TRAPPC3: variants seen among roughly 807,000 people sequenced by gnomAD.
TRAPPC3 encodes the protein trafficking protein particle complex subunit 3, also known as trafficking protein particle complex 3.
In TRAPPC3, 5 loss-of-function variants were observed where a neutral mutation model predicts 18.2. The ratio of observed to expected loss-of-function variants is 0.28; its 90% CI spans 0.14 to 0.58. TRAPPC3 has a LOEUF of 0.58. TRAPPC3 is among the 20% of genes least tolerant of loss of function. TRAPPC3 has a pLI of 0.91. For synonymous variants in TRAPPC3, 65 were observed against 84.2 expected, an observed-to-expected ratio of 0.77 and a Z score of 1.25; for missense variants, 176 against 225.9, an observed-to-expected ratio of 0.78 and a Z score of 1.41.
Position 36,138,185 on chromosome 1 carries a change from TG to T in TRAPPC3, c.241-208del. 3.9e-6 allele frequency: 6 copies of T among 1,550,414 alleles called. No homozygotes were observed. The South Asian group carries it at 7.1e-5, about 18-fold the overall frequency. Reference sequence around the variant, plus strand: ...TCTCCTTCACGGCATCATACAGTTTTGCCTGTCGCTTTGTTTTGTTTTGTTT... The same window carrying T: ...TCTCCTTCACGGCATCATACAGTTTTCCTGTCGCTTTGTTTTGTTTTGTTT... On this transcript the variant is annotated intron_variant, in intron 3 of 4. Coordinates refer to ENST00000373166, the MANE Select transcript of TRAPPC3 (RefSeq NM_014408.5).
In TRAPPC3 at chr1:36,137,337, G is replaced by C; in HGVS notation, c.424-15C>G. On this transcript the variant is annotated splice_polypyrimidine_tract_variant and intron_variant, in intron 4 of 4. Transcript: ENST00000373166. ...GCCATCTGGACCTGGGGGACAGTGG[G>C]AAAACGAAGGGGTAGCTGCCTGGCC... 6.2e-7 allele frequency: 1 copy of C among 1,604,714 alleles called. No individual in the cohort carries two copies. The highest frequency in any genetic ancestry group is 8.5e-7 in the Non-Finnish European group (1 of 1,172,290).
chr1:36,143,453 G>C (rs190916603), intron 1 of TRAPPC3, among the ~76,000 whole-genome samples: 1,694 of 152,300 alleles, frequency 0.011, 15 homozygotes, highest in Non-Finnish European at 0.017. Flanking sequence ...GTAAGCAAGA[G>C]AGAACAGAAA....
chr1:36,141,348 G>T (rs1436386952), intron 1 of TRAPPC3, among the ~76,000 whole-genome samples: 2 of 152,052 alleles, frequency 1.3e-5, no homozygotes, highest in African/African-American at 4.8e-5. Context: ...GAAAAATCAG[G>T]ATAACCACCC....
Position 36,137,304 on chromosome 1 carries a change from C to T in TRAPPC3, c.442G>A (p.Ala148Thr), listed in dbSNP as rs1295837999. 1.2e-6 allele frequency: 2 copies of T among 1,611,922 alleles called. No individual in the cohort carries two copies. The highest frequency in any genetic ancestry group is 1.7e-6 in the Non-Finnish European group (2 of 1,178,208). Residue 148 changes from alanine (A) to threonine (T), a missense_variant, in exon 5 of 5, where the codon GCC (alanine) becomes ACC (threonine). By Grantham distance (58) the Ala-to-Thr change is moderately conservative. Coordinates refer to ENST00000373166, the MANE Select transcript of TRAPPC3 (RefSeq NM_014408.5). Reference protein sequence around the residue: ...ALEMVQMAVEAKFVQDTLKGD... With the variant: ...ALEMVQMAVETKFVQDTLKGD... ...TTCAGGGTGTCCTGGACAAACTTGG[C>T]CTCCACAGCCATCTGGACCTGGGGG...
intron 4 of TRAPPC3, 75 bp downstream of exon 4, chr1:36,137,721 T>C (rs982512887): frequency 6.8e-7 from 1 of 1,468,372 alleles, no homozygotes; most frequent in African/African-American, 1.4e-5. Context: ...TTCTTTTCTC[T>C]CTTTCATTCA....
chr1:36,148,664 A>C (rs1318048018), intron 1 of TRAPPC3, among the ~76,000 whole-genome samples: 1 of 152,178 alleles, frequency 6.6e-6, no homozygotes, highest in Non-Finnish European at 1.5e-5. Flanking sequence ...GTCCAACTTT[A>C]TAGGACCATA....
intron 3 of TRAPPC3, among the ~76,000 whole-genome samples, chr1:36,139,036 C>CAA (rs1472399971): frequency 1.1e-5 from 1 of 95,184 alleles, no homozygotes; most frequent in African/African-American, 4.2e-5. Context: ...GACTCCATCT[C>CAA]AAAAAAAAGA....
intron 1 of TRAPPC3, among the ~76,000 whole-genome samples, chr1:36,145,991 G>A (rs1177351156): frequency 2.0e-5 from 3 of 151,828 alleles, no homozygotes; most frequent in African/African-American, 7.3e-5. Context: ...TGTTAGCCAG[G>A]ATGGTCTCGA....
At chr1:36,149,809 CG>C (rs1012805495), upstream of TRAPPC3, among the ~76,000 whole-genome samples, 2 of 152,204 alleles carry the variant, frequency 1.3e-5, no homozygotes, top group African/African-American at 4.8e-5. Context: ...CCTCTCTCGC[CG>C]GGGTTGGTCT....
At chr1:36,142,500 A>T (rs1441264108) in intron 1 of TRAPPC3, among the ~76,000 whole-genome samples, 45 of 152,208 alleles carry the variant, frequency 3.0e-4, no homozygotes, top group Non-Finnish European at 1.0e-4. Flanking sequence ...GATGTTATCA[A>T]GCACCTTATA....
chr1:36,144,287 T>TC (rs1644160009), intron 1 of TRAPPC3, among the ~76,000 whole-genome samples: 1 of 5,586 alleles, frequency 1.8e-4, no homozygotes, highest in African/African-American at 1.2e-3. Context: ...AAACCCTGTC[T>TC]CCAAAAAAAA....
chr1:36,147,478 A>C (rs1441845568), intron 1 of TRAPPC3, among the ~76,000 whole-genome samples: 3 of 70,600 alleles, frequency 4.2e-5, no homozygotes, highest in African/African-American at 1.0e-4. Flanking sequence ...CCCTAGCTCT[A>C]CAAAAAAAAA....
intron 1 of TRAPPC3, among the ~76,000 whole-genome samples, chr1:36,148,913 C>G (rs1644239057): frequency 6.6e-6 from 1 of 152,166 alleles, no homozygotes; most frequent in Non-Finnish European, 1.5e-5. Context: ...GGGTCCAAAT[C>G]CTAACTTCCC....
At chr1:36,139,471 AC>A in intron 3 of TRAPPC3, 1 of 472,178 alleles carries the variant, frequency 2.1e-6, no homozygotes, top group Non-Finnish European at 3.8e-6. Context: ...TGTATTCTTT[AC>A]CCCCATGCTA....
chr1:36,155,200 G>C (rs1475267), intron 1 of TRAPPC3, among the ~76,000 whole-genome samples: 132,553 of 152,280 alleles, frequency 0.87, 57,965 homozygotes, highest in African/African-American at 0.94. Flanking sequence ...CTCCTCCCCC[G>C]CAACCCAAGT....
intron 1 of TRAPPC3, among the ~76,000 whole-genome samples, chr1:36,145,867 G>A (rs1289749062): frequency 3.9e-5 from 6 of 152,182 alleles, no homozygotes; most frequent in East Asian, 3.9e-4. Context: ...TCCGCCTCTC[G>A]GGTTCACGCT....
chr1:36,137,245 G>C lies in TRAPPC3; in HGVS notation c.501C>G (p.Phe167Leu), dbSNP rs774816296. The part of the protein sequence containing the change: ...GDGVTEIRMR[F>L]IRRIEDNLPA... ...GAAGATTGTCCTCAATCCGCCTGAT[G>C]AATCTCATCCGGATTTCTGTCACAC... is the stretch of plus-strand genomic sequence containing the variant. The change falls in exon 5 of 5, where the codon TTC (phenylalanine) becomes TTG (leucine). Residue 167 changes from phenylalanine to leucine, a missense_variant. This residue lies in a region of TRAPPC3 where 29 missense variants were observed against 61.5 expected (regional missense o/e 0.47). Coordinates refer to ENST00000373166, the MANE Select transcript of TRAPPC3 (RefSeq NM_014408.5). The C allele has an allele frequency of 6.8e-6, 11 of 1,612,976 alleles. No homozygotes were observed. The highest frequency in any genetic ancestry group is 6.7e-5 in the African/African-American group (5 of 74,894).
At chr1:36,138,125 C>G in intron 3 of TRAPPC3, 147 bp from the exon 4 acceptor site, 1 of 1,556,512 alleles carries the variant, frequency 6.4e-7, no homozygotes, top group Non-Finnish European at 8.7e-7. Flanking sequence ...CTCAGGACAA[C>G]AAAGGAGAAG....
intron 1 of TRAPPC3, among the ~76,000 whole-genome samples, chr1:36,143,920 G>A (rs999621453): frequency 2.6e-5 from 4 of 152,098 alleles, no homozygotes; most frequent in African/African-American, 9.7e-5. Flanking sequence ...TAATGTTTGT[G>A]GAGCACCTGC....
Sources: allele counts gnomAD v4.1 joint callset (sites outside exome capture counted in the v4.1 genomes callset), GRCh38; gene constraint gnomAD v4.1.1; regional missense constraint gnomAD v4.1.1; transcripts MANE v1.5; gene names NCBI Gene and HGNC (gene_info 2026-07-23, HGNC 2026-07-21).